Variants in PYGO1 observed in about 807,000 individuals in gnomAD.
PYGO1 encodes the protein pygopus family PHD finger 1, also known as pygopus homolog 1.
PYGO1 carries 6 observed loss-of-function variants against 29.5 expected under a neutral mutation model. That is an observed-to-expected ratio of 0.20 (90% CI 0.11 to 0.40). The LOEUF (loss-of-function observed/expected upper bound fraction) is 0.40. PYGO1 is among the 10% of genes least tolerant of loss of function. PYGO1 has a pLI of 1.00. For missense variants in PYGO1, 515 were observed against 514.9 expected (o/e 1.00, Z 0.00); for synonymous variants, 186 against 180.5 (o/e 1.03, Z -0.24).
Position 55,539,124 on chromosome 15 carries a change from T to G in PYGO1, c.*6899A>C, listed in dbSNP as rs917460883. 6.6e-5 allele frequency: 10 copies of G among 152,188 alleles called. No individual in the cohort carries two copies. Among genetic ancestry groups the G allele is most frequent in the Non-Finnish European group, 1.3e-4 (9 of 68,028 alleles). 9.4% of individuals were successfully genotyped at this position (152,188 alleles called of 1,614,324 possible). On this transcript the variant is annotated 3_prime_UTR_variant, in exon 3 of 3. Coordinates refer to ENST00000563719, the MANE Select transcript of PYGO1 (RefSeq NM_001367806.1). ...CTTGACAGCAGAACGTCTACTTGTCTTCTTACTTATCTATAGAATAAAAAA... is the reference window on the plus strand; with the variant it reads ...CTTGACAGCAGAACGTCTACTTGTCGTCTTACTTATCTATAGAATAAAAAA...
intron 1 of PYGO1, among the ~76,000 whole-genome samples, chr15:55,578,160 G>A (rs567557726): frequency 2.0e-5 from 3 of 152,142 alleles, no homozygotes; most frequent in African/African-American, 7.2e-5. Flanking sequence ...CCATGTTGTA[G>A]TATGTATCAG....
intron 1 of PYGO1, among the ~76,000 whole-genome samples, chr15:55,585,322 A>G (rs77181397): frequency 0.011 from 1,653 of 152,322 alleles, 38 homozygotes; most frequent in African/African-American, 0.038. Context: ...TCACATCAGC[A>G]GATGGGAAAC....
At chr15:55,588,787 C>A (rs773618263), upstream of PYGO1, 20 of 1,612,530 alleles carry the variant, frequency 1.2e-5, no homozygotes, top group South Asian at 5.5e-5. Context: ...AGCTAGGGAT[C>A]GGAAAGATGA....
Position 55,542,216 on chromosome 15 carries a change from T to C in PYGO1, c.*3807A>G, listed in dbSNP as rs528677339. ...GAGACAAACAAGTTTGAAAGAATAT[T>C]GAATGAAGACTCTTGATACTTATTT... On this transcript the variant is annotated 3_prime_UTR_variant, in exon 3 of 3. Transcript: ENST00000563719. 1 of 152,198 alleles carries C rather than the reference T, an allele frequency of 6.6e-6. No homozygotes were observed. Among genetic ancestry groups the C allele is most frequent in the Non-Finnish European group, 1.5e-5 (1 of 68,040 alleles). 9.4% of individuals were successfully genotyped at this position (152,198 alleles called of 1,614,324 possible).
chr15:55,543,598 G>C lies in PYGO1; in HGVS notation c.*2425C>G, dbSNP rs988043285. On this transcript the variant is annotated 3_prime_UTR_variant, in exon 3 of 3. Coordinates refer to ENST00000563719, the MANE Select transcript of PYGO1 (RefSeq NM_001367806.1). The stretch of plus-strand genomic sequence containing the variant: ...ATAACACATACCTTTAGACTAGCTT[G>C]GGAGAAGTTATTTCATTTTCACAAA... 1 of 152,120 alleles carries C rather than the reference G, an allele frequency of 6.6e-6. No homozygotes were observed. Among genetic ancestry groups the C allele is most frequent in the Admixed American group, 6.5e-5 (1 of 15,286 alleles). The allele number at this position is 152,120 out of a possible 1,614,324, so 9.4% of individuals were successfully genotyped here.
intron 1 of PYGO1, among the ~76,000 whole-genome samples, chr15:55,575,096 G>A (rs2058995732): frequency 6.6e-6 from 1 of 152,116 alleles, no homozygotes; most frequent in South Asian, 2.1e-4. Flanking sequence ...TAACTAACTT[G>A]CCCAAGGTCA....
At chr15:55,574,213 T>C (rs918664689) in intron 1 of PYGO1, among the ~76,000 whole-genome samples, 4 of 152,224 alleles carry the variant, frequency 2.6e-5, no homozygotes, top group African/African-American at 9.6e-5. Flanking sequence ...ACTGCTTTCA[T>C]AGAGATGATT....
At position 55,542,548 on chromosome 15, in the gene PYGO1, G is replaced by A. The variant is rs1338687571; in HGVS notation, c.*3475C>T. 6.6e-6 allele frequency: 1 copy of A among 152,196 alleles called. No homozygotes were observed. Among genetic ancestry groups the A allele is most frequent in the Non-Finnish European group, 1.5e-5 (1 of 68,038 alleles). The allele number at this position is 152,196 out of a possible 1,614,324, so 9.4% of individuals were successfully genotyped here. ...CAAGCTGAGCTGTTTCAGTATTAGT[G>A]AATCGAGTAACACCTAGAAGCATGT... On this transcript the variant is annotated 3_prime_UTR_variant, in exon 3 of 3. Transcript: ENST00000563719.
chr15:55,587,575 G>A (rs950313268), intron 1 of PYGO1, among the ~76,000 whole-genome samples: 1 of 151,916 alleles, frequency 6.6e-6, no homozygotes, highest in Admixed American at 6.6e-5. Flanking sequence ...TGAGGAGGGG[G>A]TAAGAAAGGA....
At chr15:55,549,152 C>T (rs1056181423) in intron 1 of PYGO1, among the ~76,000 whole-genome samples, 157 bp from the exon 2 acceptor site, 30 of 152,054 alleles carry the variant, frequency 2.0e-4, no homozygotes, top group Admixed American at 5.2e-4. Flanking sequence ...AAAAGTCTTT[C>T]CCATAGTTTG....
In PYGO1 at chr15:55,580,130, A is replaced by G. The variant is rs138026858; in HGVS notation, c.49+7705T>C. On this transcript the variant is annotated intron_variant, in intron 1 of 2. Transcript: ENST00000563719. ...ATACCTCTGATAATGAACTTCTTTC[A>G]TGAACGAAGTCAGGCAAACTTTTAG... 3.9e-5 allele frequency among the ~76,000 whole-genome samples: 6 copies of G among 152,356 alleles called. No homozygotes were observed. The East Asian group carries it at 1.2e-3, about 29-fold the overall frequency.
chr15:55,567,289 C>CCTCAAA (rs2058961244), intron 1 of PYGO1, among the ~76,000 whole-genome samples: 1 of 121,586 alleles, frequency 8.2e-6, no homozygotes, highest in Non-Finnish European at 1.6e-5. Flanking sequence ...CTAACTGCAG[C>CCTCAAA]CTCAAACTCC....
At chr15:55,559,103 T>A (rs1337197858) in intron 1 of PYGO1, among the ~76,000 whole-genome samples, 1 of 151,972 alleles carries the variant, frequency 6.6e-6, no homozygotes, top group African/African-American at 2.4e-5. Flanking sequence ...AGGGCTAATA[T>A]CCAGAATCTA....
intron 1 of PYGO1, among the ~76,000 whole-genome samples, chr15:55,563,834 G>A (rs972202401): frequency 6.6e-6 from 1 of 152,158 alleles, no homozygotes; most frequent in South Asian, 2.1e-4. Flanking sequence ...ACCAGTAGTC[G>A]TTATAAAAAA....
At chr15:55,588,794 A>G (rs367879050), upstream of PYGO1, 21 of 1,613,390 alleles carry the variant, frequency 1.3e-5, no homozygotes, top group Non-Finnish European at 1.6e-5. Context: ...GATCGGAAAG[A>G]TGAACGTACC....
At chr15:55,563,241 A>C (rs2058940841) in intron 1 of PYGO1, among the ~76,000 whole-genome samples, 1 of 152,206 alleles carries the variant, frequency 6.6e-6, no homozygotes, top group African/African-American at 2.4e-5. Context: ...AATAATTCTT[A>C]CAACTCAAAG....
In PYGO1 at chr15:55,546,040, C is replaced by A. The variant is rs2058848109; in HGVS notation, c.1243G>T (p.Val415Leu). The A allele has an allele frequency of 3.1e-6, 5 of 1,610,932 alleles. No homozygotes were observed. Among genetic ancestry groups the A allele is most frequent in the Non-Finnish European group, 4.2e-6 (5 of 1,177,554 alleles). ...RTRETFGPSA[V>L]GSDA ...GCCTTTGATTAAGCATCACTGCCCA[C>A]TGCAGATGGACCAAAAGTTTCTCTA... The change falls in exon 3 of 3, where the codon GTG becomes TTG. Residue 415 changes from valine to leucine, a missense_variant. By Grantham distance (32) the Val-to-Leu change is conservative. Transcript: ENST00000563719.
chr15:55,586,882 T>C (rs1567062022), intron 1 of PYGO1, among the ~76,000 whole-genome samples: 1 of 152,228 alleles, frequency 6.6e-6, no homozygotes, highest in Non-Finnish European at 1.5e-5. Flanking sequence ...CCACCTACGA[T>C]TTGACATTCT....
intron 1 of PYGO1, among the ~76,000 whole-genome samples, chr15:55,556,620 T>A (rs2058906478): frequency 6.8e-6 from 1 of 148,124 alleles, no homozygotes; most frequent in Non-Finnish European, 1.5e-5. Flanking sequence ...ACTCCAAAGG[T>A]AGCAGAAGAA....
Sources: gnomAD v4.1 joint callset for allele counts (sites outside exome capture counted in the v4.1 genomes callset) on GRCh38, gnomAD v4.1.1 for gene constraint, MANE v1.5 for transcripts, NCBI Gene and HGNC (gene_info 2026-07-23, HGNC 2026-07-21) for gene names.